The following USP46 variants were observed in gnomAD, a reference collection of about 807,000 sequenced individuals.
USP46 encodes ubiquitin carboxyl-terminal hydrolase 46.
A neutral mutation model predicts 44.4 loss-of-function variants in USP46; 12 were observed. The ratio of observed to expected loss-of-function variants is 0.27; its 90% CI spans 0.17 to 0.44. The LOEUF is 0.44. Ranked by LOEUF, USP46 falls within the 20% of genes least tolerant of loss-of-function variation. USP46 has a pLI of 1.00. For missense variants in USP46, 248 were observed against 444.8 expected, an observed-to-expected ratio of 0.56 and a Z score of 3.98; for synonymous variants, 155 against 161.5, an observed-to-expected ratio of 0.96 and a Z score of 0.31.
chr4:52,625,875 T>C, intron 4 of USP46, 143 bp downstream of exon 4: 1 of 860,490 alleles, frequency 1.2e-6, no homozygotes, highest in Non-Finnish European at 1.8e-6. Context: ...AAGTTTGTAC[T>C]TGAGTTTCAT....
intron 4 of USP46, among the ~76,000 whole-genome samples, chr4:52,616,080 A>G (rs1717134085): frequency 1.3e-5 from 2 of 152,222 alleles, no homozygotes. Flanking sequence ...ATAGAATGCC[A>G]CACCCAACAA....
At chr4:52,608,473 C>A (rs937290121) in intron 5 of USP46, among the ~76,000 whole-genome samples, 63 of 152,364 alleles carry the variant, frequency 4.1e-4, no homozygotes, top group African/African-American at 1.5e-3. Flanking sequence ...CACAGCCAGG[C>A]CTTCCCAGCC....
intron 1 of USP46, among the ~76,000 whole-genome samples, chr4:52,646,537 T>C (rs1276907818): frequency 6.6e-6 from 1 of 152,216 alleles, no homozygotes; most frequent in Non-Finnish European, 1.5e-5. Flanking sequence ...AATGAATGGA[T>C]AGAGTAATTT....
chr4:52,628,652 G>C (rs1170766134), intron 2 of USP46, among the ~76,000 whole-genome samples: 1 of 152,158 alleles, frequency 6.6e-6, no homozygotes, highest in African/African-American at 2.4e-5. Context: ...ACTGAACAGG[G>C]GCTGGTTTTC....
intron 1 of USP46, among the ~76,000 whole-genome samples, chr4:52,637,052 T>C (rs1718144954): frequency 6.6e-6 from 1 of 152,122 alleles, no homozygotes; most frequent in African/African-American, 2.4e-5. Context: ...TCAAGCAACC[T>C]GCCCACCTTG....
At chr4:52,650,765 T>A (rs542424014) in intron 1 of USP46, among the ~76,000 whole-genome samples, 14 of 152,308 alleles carry the variant, frequency 9.2e-5, no homozygotes, top group Middle Eastern at 3.4e-3. Context: ...CTGTTCTGAA[T>A]ATATAAACTA....
intron 1 of USP46, among the ~76,000 whole-genome samples, chr4:52,644,066 C>T (rs1260478770): frequency 1.3e-5 from 2 of 152,206 alleles, no homozygotes; most frequent in Non-Finnish European, 2.9e-5. Flanking sequence ...GAATGCCTGA[C>T]CTGTTTAGTT....
At position 52,627,289 on chromosome 4, in the gene USP46, G is replaced by A. The variant is rs74410415; in HGVS notation, c.331+661C>T. ...AACAAATACCTGATTAACCATGCACGTCTGATGAAGTAAGGCTGAATCTAA... is the reference window on the plus strand; with the variant it reads ...AACAAATACCTGATTAACCATGCACATCTGATGAAGTAAGGCTGAATCTAA... On this transcript the variant is annotated intron_variant, in intron 3 of 8. Coordinates refer to ENST00000441222, the MANE Select transcript of USP46 (RefSeq NM_022832.4). Among the ~76,000 whole-genome samples the A allele has an allele frequency of 1.5e-3, 229 of 152,256 alleles. 4 individuals carry two copies. The East Asian group carries it at 0.04, about 27-fold the overall frequency.
At chr4:52,629,573 C>A (rs346006) in intron 2 of USP46, 22,659 of 455,996 alleles carry the variant, frequency 0.05, 3,824 homozygotes, top group African/African-American at 0.38. Flanking sequence ...AACACAATGC[C>A]CTATATTCCA....
chr4:52,647,852 C>T (rs551143266), intron 1 of USP46, among the ~76,000 whole-genome samples: 7 of 152,328 alleles, frequency 4.6e-5, no homozygotes, highest in African/African-American at 1.7e-4. Flanking sequence ...CTGCCCAACA[C>T]CGCTAAAGCT....
chr4:52,653,189 C>T lies in USP46; in HGVS notation c.36+5926G>A, dbSNP rs544935895. Reference sequence around the variant, plus strand: ...AAAACCCTTTACTGTTAGGGTTGTTCGCTAACACAGAGTTCGTCTCAAGAA... The same window carrying T: ...AAAACCCTTTACTGTTAGGGTTGTTTGCTAACACAGAGTTCGTCTCAAGAA... On this transcript the variant is annotated intron_variant, in intron 1 of 8. Transcript: ENST00000441222. Among the ~76,000 whole-genome samples the T allele has an allele frequency of 1.6e-4, 24 of 152,190 alleles. No homozygotes were observed. In the South Asian group the frequency reaches 3.5e-3, roughly 22 times the overall value.
intron 7 of USP46, among the ~76,000 whole-genome samples, chr4:52,599,726 A>G (rs1404080425): frequency 6.6e-6 from 1 of 152,148 alleles, no homozygotes; most frequent in African/African-American, 2.4e-5. Flanking sequence ...ATGCACTGTT[A>G]AAGTTGAAAA....
chr4:52,623,756 T>C (rs553333333), intron 4 of USP46, among the ~76,000 whole-genome samples: 91 of 152,070 alleles, frequency 6.0e-4, no homozygotes, highest in African/African-American at 2.1e-3. Context: ...TGAAATCCCA[T>C]CTCTACTAAA....
chr4:52,620,241 T>C (rs1717328573), intron 4 of USP46, among the ~76,000 whole-genome samples: 1 of 152,162 alleles, frequency 6.6e-6, no homozygotes. Flanking sequence ...TACAGATGTG[T>C]CTGAGCCCAT....
chr4:52,651,985 C>T (rs1203645710), intron 1 of USP46, among the ~76,000 whole-genome samples: 1 of 152,104 alleles, frequency 6.6e-6, no homozygotes, highest in Non-Finnish European at 1.5e-5. Context: ...ATGACTTTTG[C>T]TTTGGTCTCC....
chr4:52,612,453 AC>A (rs1716971454), intron 4 of USP46, among the ~76,000 whole-genome samples: 1 of 152,142 alleles, frequency 6.6e-6, no homozygotes, highest in East Asian at 1.9e-4. Flanking sequence ...ATGTTTTGCC[AC>A]CCTTAAGTCT....
At chr4:52,656,713 C>T (rs1413743035) in intron 1 of USP46, 1 of 456,824 alleles carries the variant, frequency 2.2e-6, no homozygotes, top group African/African-American at 2.1e-5. Flanking sequence ...TAAGACCGGA[C>T]AACTTGTTCA....
intron 1 of USP46, among the ~76,000 whole-genome samples, chr4:52,644,434 T>C (rs1187677762): frequency 6.6e-6 from 1 of 152,184 alleles, no homozygotes; most frequent in Non-Finnish European, 1.5e-5. Context: ...GGTACAGTTC[T>C]GTGACCTGTT....
chr4:52,610,900 G>A (rs185471594), intron 4 of USP46, among the ~76,000 whole-genome samples: 2 of 152,066 alleles, frequency 1.3e-5, no homozygotes, highest in South Asian at 4.2e-4. Flanking sequence ...TTTTCCCATC[G>A]TTTCAAAGTA....
Sources: allele counts gnomAD v4.1 joint callset (sites outside exome capture counted in the v4.1 genomes callset), GRCh38; gene constraint gnomAD v4.1.1; transcripts MANE v1.5; gene names NCBI Gene and HGNC (gene_info 2026-07-23, HGNC 2026-07-21).